COL21A1: variants seen among roughly 807,000 people sequenced by gnomAD.
COL21A1 encodes collagen type XXI alpha 1 chain, also known as collagen alpha-1(XXI) chain.
In COL21A1, 149 loss-of-function variants were observed where a neutral mutation model predicts 137.9. The ratio of observed to expected loss-of-function variants is 1.08; its 90% CI spans 0.95 to 1.24. The LOEUF is 1.24. Among genes scored for constraint, COL21A1 ranks in the 50% most tolerant of loss-of-function variants. The probability of loss-of-function intolerance (pLI) is 0.00; values close to 1 mark genes in which losing one functional copy is unlikely to be tolerated. For missense variants in COL21A1, 1,167 were observed against 1,158.4 expected, an observed-to-expected ratio of 1.01 and a Z score of -0.11; for synonymous variants, 456 against 391.5, an observed-to-expected ratio of 1.16 and a Z score of -1.95.
At position 56,060,890 on chromosome 6, in the gene COL21A1, C is replaced by A. The variant is rs760027373; in HGVS notation, c.2352+1G>T. The A allele has an allele frequency of 4.4e-6, 7 of 1,581,828 alleles. No individual in the cohort carries two copies. Among genetic ancestry groups the A allele is most frequent in the Non-Finnish European group, 6.0e-6 (7 of 1,169,216 alleles). ...AACTGTGAAAGAAGCAGAATACATA[C>A]GGGCTTCCCATCCAAACCTGGGGGT... On this transcript the variant is annotated splice_donor_variant, in intron 26 of 29. Coordinates refer to ENST00000244728, the MANE Select transcript of COL21A1 (RefSeq NM_030820.4). LOFTEE classifies it high-confidence loss of function.
chr6:56,093,277 A>G (rs908565997), intron 17 of COL21A1, among the ~76,000 whole-genome samples: 2 of 151,984 alleles, frequency 1.3e-5, no homozygotes, highest in Non-Finnish European at 2.9e-5. Flanking sequence ...GTATACATCC[A>G]CCCCAATCCA....
chr6:56,179,728 T>C lies in COL21A1; in HGVS notation c.490A>G (p.Thr164Ala). The change falls in exon 3 of 30, where the codon ACA becomes GCA. Residue 164 changes from threonine to alanine, a missense_variant. By Grantham distance (58) the Thr-to-Ala change is moderately conservative (BLOSUM62 0). Transcript: ENST00000244728. ...AAQAARDSKI[T>A]LFAIGVGSET... ...GAACCAACACCAATAGCAAATAATG[T>C]TATCTTACTATCTCTTGCTGCTTGA... 6.2e-7 allele frequency: 1 copy of C among 1,613,980 alleles called. No homozygotes were observed. The highest frequency in any genetic ancestry group is 1.1e-5 in the South Asian group (1 of 91,082).
chr6:56,070,423 G>A (rs1766640851), intron 21 of COL21A1, among the ~76,000 whole-genome samples: 1 of 151,586 alleles, frequency 6.6e-6, no homozygotes, highest in East Asian at 1.9e-4. Context: ...TATCATTCAT[G>A]AGAACTACAT....
At position 56,071,663 on chromosome 6, in the gene COL21A1, CA is replaced by C. The variant is rs1316966250; in HGVS notation, c.1966-866del. 7.3e-5 allele frequency among the ~76,000 whole-genome samples: 11 copies of C among 151,642 alleles called. No individual in the cohort carries two copies. In the South Asian group the frequency reaches 2.1e-3, roughly 29 times the overall value. ...AAGATCACATTAGATTTAATTAAAG[CA>C]TTTAGCACATAACAGTGTTATTGAA... On this transcript the variant is annotated intron_variant, in intron 20 of 29. Transcript: ENST00000244728.
In COL21A1 at chr6:56,156,916, G is replaced by GGTA. The variant is rs1294210161; in HGVS notation, c.1402_1404dup (p.Tyr468dup). 1.7e-5 allele frequency: 27 copies of GGTA among 1,612,200 alleles called. No homozygotes were observed. The highest frequency in any genetic ancestry group is 2.3e-5 in the Non-Finnish European group (27 of 1,179,308). On this transcript the variant is annotated inframe_insertion, in exon 10 of 30. Coordinates refer to ENST00000244728, the MANE Select transcript of COL21A1 (RefSeq NM_030820.4). Reference sequence around the variant, plus strand: ...TTACCATCTTGACCAGGTTGTCCAGGGTAGCCAGGGTTCCCAGGCAGTCCA... The same window carrying GGTA: ...TTACCATCTTGACCAGGTTGTCCAGGGTAGTAGCCAGGGTTCCCAGGCAGTCCA...
At chr6:56,346,762 C>G (rs527333374) in intron 1 of COL21A1, among the ~76,000 whole-genome samples, 19 of 152,282 alleles carry the variant, frequency 1.2e-4, no homozygotes, top group African/African-American at 4.6e-4. Context: ...AGAGCTGTAC[C>G]GCTCCTCTCA....
chr6:56,166,351 G>A (rs962000623), intron 7 of COL21A1, among the ~76,000 whole-genome samples: 3 of 151,936 alleles, frequency 2.0e-5, no homozygotes, highest in South Asian at 2.1e-4. Flanking sequence ...AGTCATAGAC[G>A]ACGGGGAAAA....
chr6:56,095,983 A>G (rs1769282838), intron 17 of COL21A1, among the ~76,000 whole-genome samples: 1 of 151,930 alleles, frequency 6.6e-6, no homozygotes, highest in Admixed American at 6.6e-5. Flanking sequence ...AGTAGGTGGG[A>G]TTACAGGCGC....
intron 1 of COL21A1, among the ~76,000 whole-genome samples, chr6:56,257,084 C>T (rs1191492718): frequency 1.3e-5 from 2 of 152,098 alleles, no homozygotes; most frequent in Non-Finnish European, 2.9e-5. Flanking sequence ...GGTCTCACAA[C>T]AGGATGTGTC....
intron 9 of COL21A1, 56 bp downstream of exon 9, chr6:56,164,367 T>C: frequency 8.8e-7 from 1 of 1,134,158 alleles, no homozygotes; most frequent in South Asian, 1.3e-5. Context: ...ATTGTATGGT[T>C]TACCCAGCTC....
chr6:56,223,395 T>C (rs937819839), intron 1 of COL21A1, among the ~76,000 whole-genome samples: 11 of 152,172 alleles, frequency 7.2e-5, no homozygotes, highest in Non-Finnish European at 1.5e-4. Flanking sequence ...TCCTTCATTC[T>C]ATAACATGAC....
intron 10 of COL21A1, among the ~76,000 whole-genome samples, chr6:56,155,779 T>C (rs1775696416): frequency 6.6e-6 from 1 of 152,136 alleles, no homozygotes; most frequent in South Asian, 2.1e-4. Flanking sequence ...TATTTCTTTT[T>C]TTTAATAGAG....
intron 1 of COL21A1, among the ~76,000 whole-genome samples, chr6:56,186,881 C>T (rs1778341797): frequency 6.6e-6 from 1 of 151,972 alleles, no homozygotes; most frequent in Non-Finnish European, 1.5e-5. Flanking sequence ...CAACAAAATC[C>T]CAATTTTTTA....
intron 16 of COL21A1, among the ~76,000 whole-genome samples, chr6:56,104,943 AAT>A (rs147519348): frequency 1.0e-3 from 155 of 152,320 alleles, no homozygotes; most frequent in African/African-American, 3.6e-3. Flanking sequence ...TGATCATGAA[AAT>A]ATAGTTTAAT....
intron 1 of COL21A1, among the ~76,000 whole-genome samples, chr6:56,218,296 T>TTA (rs1554165431): frequency 1.3e-5 from 2 of 148,302 alleles, no homozygotes; most frequent in Admixed American, 6.7e-5. Flanking sequence ...TATGGCTTTG[T>TTA]AAAAAAAAAA....
At chr6:56,393,110 G>A (rs1444024461) in intron 1 of COL21A1, among the ~76,000 whole-genome samples, 1 of 149,430 alleles carries the variant, frequency 6.7e-6, no homozygotes, top group Non-Finnish European at 1.5e-5. Flanking sequence ...ATACCACAGA[G>A]CTATAGTAAC....
intron 10 of COL21A1, among the ~76,000 whole-genome samples, chr6:56,148,713 C>T (rs1044215240): frequency 2.6e-5 from 4 of 152,026 alleles, no homozygotes; most frequent in African/African-American, 7.2e-5. Context: ...TAATTACTCA[C>T]CCTCAACAAG....
At chr6:56,307,755 A>G (rs1178227285) in intron 1 of COL21A1, among the ~76,000 whole-genome samples, 1 of 152,132 alleles carries the variant, frequency 6.6e-6, no homozygotes, top group Non-Finnish European at 1.5e-5. Context: ...GACACTCCCC[A>G]GTGAGATGAA....
intron 12 of COL21A1, among the ~76,000 whole-genome samples, chr6:56,140,425 T>C (rs553409674): frequency 6.6e-6 from 1 of 152,250 alleles, no homozygotes; most frequent in Admixed American, 6.5e-5. Flanking sequence ...ATTCCTACTG[T>C]AGGAGTCTTT....
Sources: gnomAD v4.1 joint callset for allele counts (sites outside exome capture counted in the v4.1 genomes callset) on GRCh38, gnomAD v4.1.1 for gene constraint, MANE v1.5 for transcripts, NCBI Gene and HGNC (gene_info 2026-07-23, HGNC 2026-07-21) for gene names.